The following COL23A1 variants were observed in gnomAD, a reference collection of about 807,000 sequenced individuals.
COL23A1 encodes the protein collagen type XXIII alpha 1 chain.
COL23A1 carries 97 observed loss-of-function variants against 99.3 expected under a neutral mutation model. That is an observed-to-expected ratio of 0.98 (90% CI 0.83 to 1.16). COL23A1 has a LOEUF of 1.16. COL23A1 is among the 50% of genes most tolerant of loss of function. COL23A1 has a pLI of 0.00. For missense variants in COL23A1, 762 were observed against 757.4 expected (o/e 1.01, Z -0.07); for synonymous variants, 320 against 308.2 (o/e 1.04, Z -0.40).
rs867669586 is a variant in COL23A1 at position 178,400,354 on chromosome 5, G to A, written c.362-93435C>T. Among the ~76,000 whole-genome samples the A allele has an allele frequency of 1.7e-3, 198 of 115,536 alleles. 2 individuals carry two copies. The highest frequency in any genetic ancestry group is 8.6e-3 in the South Asian group (28 of 3,240). The allele number at this position is 115,536 out of a possible 152,430, so 75.8% of individuals were successfully genotyped here. On this transcript the variant is annotated intron_variant, in intron 2 of 28. Transcript: ENST00000390654. ...TGCACTCCAGCCTGGGCGACAGAGC[G>A]AGACTCCGTCTCAAAAAAAAAAAAA...
chr5:178,502,154 T>C (rs190403067), intron 2 of COL23A1, among the ~76,000 whole-genome samples: 93 of 152,292 alleles, frequency 6.1e-4, no homozygotes, highest in Middle Eastern at 3.4e-3. Context: ...TTTCTTGAGA[T>C]GGAGTCTCGC....
At position 178,400,366 on chromosome 5, in the gene COL23A1, CA is replaced by C. The variant is rs58417444; in HGVS notation, c.362-93448del. On this transcript the variant is annotated intron_variant, in intron 2 of 28. Coordinates refer to ENST00000390654, the MANE Select transcript of COL23A1 (RefSeq NM_173465.4). ...TGGGCGACAGAGCGAGACTCCGTCT[CA>C]AAAAAAAAAAAAAAAAAAAAAGTCT... Among the ~76,000 whole-genome samples the C allele has an allele frequency of 1.8e-3, 115 of 62,800 alleles. 1 individual carries two copies. Among genetic ancestry groups the C allele is most frequent in the East Asian group, 4.4e-3 (8 of 1,822 alleles). The allele number at this position is 62,800 out of a possible 152,430, so 41.2% of individuals were successfully genotyped here. A position where few individuals can be genotyped will look rare whatever the true frequency, so the allele number is the denominator to read the frequency against.
At chr5:178,248,746 C>CG (rs1561787635) in intron 19 of COL23A1, among the ~76,000 whole-genome samples, 1 of 152,164 alleles carries the variant, frequency 6.6e-6, no homozygotes, top group Non-Finnish European at 1.5e-5. Context: ...GTGAGGAAAC[C>CG]GAGGCCCCAG....
At chr5:178,238,842 G>T in intron 28 of COL23A1, 142 bp from the exon 29 acceptor site, 2 of 1,179,272 alleles carry the variant, frequency 1.7e-6, no homozygotes, top group Non-Finnish European at 2.5e-6. Flanking sequence ...GGCCAGTTGG[G>T]ACAATATCCC....
At chr5:178,374,152 T>C (rs951711260) in intron 2 of COL23A1, among the ~76,000 whole-genome samples, 1 of 152,196 alleles carries the variant, frequency 6.6e-6, no homozygotes, top group African/African-American at 2.4e-5. Flanking sequence ...ATCTGCTGAA[T>C]AGATCACAGA....
At chr5:178,391,541 T>A (rs1008106871) in intron 2 of COL23A1, among the ~76,000 whole-genome samples, 1 of 152,152 alleles carries the variant, frequency 6.6e-6, no homozygotes, top group Admixed American at 6.5e-5. Context: ...ACCACTTCAC[T>A]CCCACTAGGA....
At chr5:178,360,393 CT>C (rs1762111148) in intron 2 of COL23A1, among the ~76,000 whole-genome samples, 1 of 152,244 alleles carries the variant, frequency 6.6e-6, no homozygotes, top group Non-Finnish European at 1.5e-5. Flanking sequence ...GGCGGCAGCC[CT>C]GCAAGGATGA....
At chr5:178,477,996 C>T (rs949459430) in intron 2 of COL23A1, among the ~76,000 whole-genome samples, 5 of 152,200 alleles carry the variant, frequency 3.3e-5, no homozygotes, top group African/African-American at 1.2e-4. Flanking sequence ...CTTCATGCCA[C>T]CTGAGGGAGG....
intron 4 of COL23A1, among the ~76,000 whole-genome samples, chr5:178,289,767 G>T (rs922625898): frequency 1.3e-5 from 2 of 151,948 alleles, no homozygotes; most frequent in Non-Finnish European, 2.9e-5. Context: ...GATTTGGTGA[G>T]GAACAACCAG....
intron 2 of COL23A1, among the ~76,000 whole-genome samples, chr5:178,503,242 G>C (rs934992961): frequency 6.6e-6 from 1 of 152,080 alleles, no homozygotes; most frequent in Admixed American, 6.5e-5. Context: ...TTAGCCAAGC[G>C]TGGTGGCTGA....
At chr5:178,456,157 C>A (rs1307585700) in intron 2 of COL23A1, among the ~76,000 whole-genome samples, 1 of 152,176 alleles carries the variant, frequency 6.6e-6, no homozygotes, top group African/African-American at 2.4e-5. Flanking sequence ...AAGTCATATC[C>A]TTCCCTCAAC....
Position 178,308,831 on chromosome 5 carries a change from G to A in COL23A1, c.362-1912C>T, listed in dbSNP as rs1758507434. 6.6e-6 allele frequency among the ~76,000 whole-genome samples: 1 copy of A among 152,110 alleles called. No individual in the cohort carries two copies. Among genetic ancestry groups the A allele is most frequent in the Non-Finnish European group, 1.5e-5 (1 of 68,006 alleles). On this transcript the variant is annotated intron_variant, in intron 2 of 28. Transcript: ENST00000390654. This position sits in a 1 kb window ranked among gnomAD's most constrained non-coding sequence, Gnocchi z 5.1. Reference sequence around the variant, plus strand: ...TGGGGGGCAGGTCAGCACTCTCGGGGGGGGCTTTCCTCCTCTCTGGGCCTG... The same window carrying A: ...TGGGGGGCAGGTCAGCACTCTCGGGAGGGGCTTTCCTCCTCTCTGGGCCTG...
At chr5:178,473,462 T>TTTA (rs1491197981) in intron 2 of COL23A1, among the ~76,000 whole-genome samples, 1 of 1,280 alleles carries the variant, frequency 7.8e-4, no homozygotes, top group African/African-American at 5.6e-3. Flanking sequence ...ATCCGGCTAA[T>TTTA]TTTTTTTTTT....
In COL23A1 at chr5:178,468,402, T is replaced by C. The variant is rs73803414; in HGVS notation, c.361+92280A>G. Among the ~76,000 whole-genome samples, 3,870 of 152,120 alleles carry C rather than the reference T, an allele frequency of 0.025. 189 individuals carry two copies. The highest frequency in any genetic ancestry group is 0.087 in the African/African-American group (3,596 of 41,480). ...AAAGGGCGATGGACTGGGCTAGGGGTCAGTGTGATGATGGTGAATGCAAGA... is the reference window on the plus strand; with the variant it reads ...AAAGGGCGATGGACTGGGCTAGGGGCCAGTGTGATGATGGTGAATGCAAGA... On this transcript the variant is annotated intron_variant, in intron 2 of 28. Coordinates refer to ENST00000390654, the MANE Select transcript of COL23A1 (RefSeq NM_173465.4). This position sits in a 1 kb window ranked among gnomAD's most constrained non-coding sequence, Gnocchi z 4.2.
At chr5:178,327,185 C>T (rs1034737206) in intron 2 of COL23A1, among the ~76,000 whole-genome samples, 2 of 152,268 alleles carry the variant, frequency 1.3e-5, no homozygotes, top group Non-Finnish European at 2.9e-5. Context: ...TAATGACCCA[C>T]TCTGTGCAAG....
chr5:178,263,746 C>A (rs566469681), intron 8 of COL23A1, among the ~76,000 whole-genome samples: 2 of 152,294 alleles, frequency 1.3e-5, no homozygotes, highest in South Asian at 4.1e-4. Flanking sequence ...CACTCTTGGG[C>A]ATTTATCCTT....
intron 1 of COL23A1, among the ~76,000 whole-genome samples, chr5:178,576,837 C>T (rs1763388587): frequency 6.6e-6 from 1 of 151,924 alleles, no homozygotes; most frequent in Admixed American, 6.6e-5. Context: ...GCCTCTCGGG[C>T]AGCGCCGCCC....
intron 1 of COL23A1, among the ~76,000 whole-genome samples, chr5:178,585,141 T>G (rs563193716): frequency 6.6e-6 from 1 of 152,246 alleles, no homozygotes; most frequent in African/African-American, 2.4e-5. Flanking sequence ...TTGAAGAATG[T>G]TCCCAAAATG....
In COL23A1 at chr5:178,358,667, T is replaced by C. The variant is rs918817495; in HGVS notation, c.362-51748A>G. On this transcript the variant is annotated intron_variant, in intron 2 of 28. Transcript: ENST00000390654. ...GTGTGTATGTGTACGTGTGTATGTG[T>C]CTAATGTGTATGTGTATGTGTGTGT... 5.3e-5 allele frequency among the ~76,000 whole-genome samples: 5 copies of C among 94,388 alleles called. 1 individual carries two copies. The South Asian group carries it at 1.2e-3, about 23-fold the overall frequency. 61.9% of individuals were successfully genotyped at this position (94,388 alleles called of 152,430 possible).
Sources: allele counts gnomAD v4.1 joint callset (sites outside exome capture counted in the v4.1 genomes callset), GRCh38; gene constraint gnomAD v4.1.1; non-coding constraint Gnocchi (gnomAD v3.1); transcripts MANE v1.5; gene names NCBI Gene and HGNC (gene_info 2026-07-23, HGNC 2026-07-21).